Variants in ATP2B2 observed in about 807,000 individuals in gnomAD.
ATP2B2 encodes ATPase plasma membrane Ca2+ transporting 2.
In ATP2B2, 15 loss-of-function variants were observed where a neutral mutation model predicts 120.0. The ratio of observed to expected loss-of-function variants is 0.12; its 90% confidence interval spans 0.08 to 0.19. The LOEUF is 0.19. ATP2B2 is among the 10% of genes least tolerant of loss of function. The probability of loss-of-function intolerance (pLI) is 1.00; values close to 1 mark genes in which losing one functional copy is unlikely to be tolerated. For missense variants in ATP2B2, 1,045 were observed against 1,719.8 expected (o/e 0.61, Z 6.94); for synonymous variants, 694 against 700.3 (o/e 0.99, Z 0.14).
At chr3:10,668,251 T>C (rs1200935003) in intron 1 of ATP2B2, among the ~76,000 whole-genome samples, 1 of 152,254 alleles carries the variant, frequency 6.6e-6, no homozygotes, top group Non-Finnish European at 1.5e-5. Context: ...GGTCTCATTG[T>C]TGTCACCATC....
intron 12 of ATP2B2, among the ~76,000 whole-genome samples, chr3:10,362,353 T>C (rs571614251): frequency 7.2e-5 from 11 of 152,294 alleles, no homozygotes; most frequent in African/African-American, 2.2e-4. Context: ...TATTCTTCCC[T>C]CTTCTGCAGC....
At chr3:10,487,717 T>C (rs73024730) in intron 1 of ATP2B2, among the ~76,000 whole-genome samples, 3,676 of 152,286 alleles carry the variant, frequency 0.024, 85 homozygotes, top group East Asian at 0.11. Flanking sequence ...ACAGAGAGAA[T>C]TGGCCGTTAA....
intron 1 of ATP2B2, among the ~76,000 whole-genome samples, chr3:10,497,525 T>C (rs1463290033): frequency 2.0e-5 from 3 of 152,356 alleles, no homozygotes; most frequent in Middle Eastern, 3.4e-3. Context: ...CTTACACTTC[T>C]GCCAAGGGCT....
chr3:10,405,488 A>C (rs1405228780), intron 3 of ATP2B2, among the ~76,000 whole-genome samples: 1 of 152,154 alleles, frequency 6.6e-6, no homozygotes, highest in East Asian at 1.9e-4. Flanking sequence ...GTCCGACCCT[A>C]GGAACAACTC....
intron 2 of ATP2B2, among the ~76,000 whole-genome samples, chr3:10,434,890 T>C (rs907937653): frequency 6.6e-6 from 1 of 152,248 alleles, no homozygotes; most frequent in African/African-American, 2.4e-5. Flanking sequence ...GGTATCTTCC[T>C]GGCCCCTCCC....
intron 1 of ATP2B2, among the ~76,000 whole-genome samples, chr3:10,655,491 C>T (rs1247167649): frequency 1.3e-5 from 2 of 152,242 alleles, no homozygotes; most frequent in Non-Finnish European, 2.9e-5. Flanking sequence ...CACTGTACTC[C>T]AGTCATCCAG....
intron 2 of ATP2B2, among the ~76,000 whole-genome samples, chr3:10,548,147 C>T (rs2067591676): frequency 6.6e-6 from 1 of 152,218 alleles, no homozygotes; most frequent in South Asian, 2.1e-4. Context: ...CCAAAGGCAT[C>T]TGTTTGTATC....
intron 1 of ATP2B2, among the ~76,000 whole-genome samples, chr3:10,653,281 C>T (rs2070516350): frequency 6.6e-6 from 1 of 152,140 alleles, no homozygotes; most frequent in African/African-American, 2.4e-5. Flanking sequence ...AGCCACGCAG[C>T]CACTCTTATC....
At chr3:10,401,843 G>A (rs1479685702) in intron 4 of ATP2B2, among the ~76,000 whole-genome samples, 1 of 152,204 alleles carries the variant, frequency 6.6e-6, no homozygotes, top group African/African-American at 2.4e-5. Context: ...TGCTATGGGT[G>A]GAAGTTTGGA....
At chr3:10,525,428 G>T (rs565936169) in intron 3 of ATP2B2, among the ~76,000 whole-genome samples, 46 of 152,294 alleles carry the variant, frequency 3.0e-4, no homozygotes, top group African/African-American at 1.1e-3. Flanking sequence ...GAGAGTTCTT[G>T]TCTGTCCTGC....
intron 1 of ATP2B2, among the ~76,000 whole-genome samples, chr3:10,682,998 TAA>T (rs942815811): frequency 2.6e-5 from 4 of 152,138 alleles, no homozygotes; most frequent in Admixed American, 2.6e-4. Flanking sequence ...TGCAATTGGG[TAA>T]AAGACAGGGA....
At chr3:10,551,661 A>T (rs1476543312) in intron 2 of ATP2B2, among the ~76,000 whole-genome samples, 1 of 152,244 alleles carries the variant, frequency 6.6e-6, no homozygotes, top group Non-Finnish European at 1.5e-5. Flanking sequence ...GCAACTGTAC[A>T]CAATTGCTCA....
Position 10,612,766 on chromosome 3 carries a change from C to T in ATP2B2, c.-415+7151G>A, listed in dbSNP as rs1451281639. 2.0e-5 allele frequency among the ~76,000 whole-genome samples: 3 copies of T among 152,182 alleles called. 1 individual carries two copies. Among genetic ancestry groups the T allele is most frequent in the South Asian group, 4.1e-4 (2 of 4,830 alleles). The stretch of plus-strand genomic sequence containing the variant: ...TGTTTTCCTGTACCAAACCTATTGC[C>T]CCCTCTCTGGTCTTCTGCTGGTCTT... On this transcript the variant is annotated intron_variant, in intron 2 of 21. Transcript: ENST00000646379.
intron 2 of ATP2B2, among the ~76,000 whole-genome samples, chr3:10,536,431 T>C (rs1013970521): frequency 6.6e-6 from 1 of 151,868 alleles, no homozygotes; most frequent in African/African-American, 2.4e-5. Flanking sequence ...CTTCTTCTTC[T>C]TCTTCCTCTT....
intron 1 of ATP2B2, among the ~76,000 whole-genome samples, chr3:10,482,383 T>A (rs1263527215): frequency 6.6e-6 from 1 of 152,216 alleles, no homozygotes; most frequent in Middle Eastern, 3.2e-3. Context: ...CACACCTCTG[T>A]CACTGTCTGC....
chr3:10,657,532 C>A (rs555904078), intron 1 of ATP2B2, among the ~76,000 whole-genome samples: 1 of 152,190 alleles, frequency 6.6e-6, no homozygotes, highest in African/African-American at 2.4e-5. Context: ...AACTGCCAGG[C>A]GGCAGCGAGG....
intron 1 of ATP2B2, among the ~76,000 whole-genome samples, chr3:10,646,807 C>T (rs1194848950): frequency 6.6e-6 from 1 of 152,138 alleles, no homozygotes; most frequent in Non-Finnish European, 1.5e-5. Context: ...CTGTTTGAGG[C>T]GCTCCACTAA....
chr3:10,620,219 G>C (rs2069507421), intron 1 of ATP2B2, among the ~76,000 whole-genome samples: 1 of 152,208 alleles, frequency 6.6e-6, no homozygotes, highest in Non-Finnish European at 1.5e-5. Context: ...GCACAGCTCA[G>C]TTGCGCCTCC....
At chr3:10,641,702 G>A (rs1007695996) in intron 1 of ATP2B2, among the ~76,000 whole-genome samples, 1 of 152,160 alleles carries the variant, frequency 6.6e-6, no homozygotes, top group African/African-American at 2.4e-5. Context: ...CTCTGGGAGG[G>A]AGATGTGCTG....
Sources: gnomAD v4.1 joint callset for allele counts (sites outside exome capture counted in the v4.1 genomes callset) on GRCh38, gnomAD v4.1.1 for gene constraint, MANE v1.5 for transcripts, NCBI Gene and HGNC (gene_info 2026-07-23, HGNC 2026-07-21) for gene names.